The following ANXA8L1 variants were observed in gnomAD, a reference collection of about 807,000 sequenced individuals.
ANXA8L1 encodes annexin A8-like protein 1.
ANXA8L1 carries 10 observed loss-of-function variants against 22.5 expected under a neutral mutation model. The observed-to-expected ratio is 0.44, with a 90% CI of 0.27 to 0.75. The LOEUF (loss-of-function observed/expected upper bound fraction) is 0.75, where lower values mean the gene tolerates loss of function less well. Among genes scored for constraint, ANXA8L1 ranks in the 30% least tolerant of loss-of-function variants. The probability of loss-of-function intolerance (pLI) is 0.15; values close to 1 mark genes in which losing one functional copy is unlikely to be tolerated. For synonymous variants in ANXA8L1, 36 were observed against 86.0 expected (o/e 0.42, Z 3.22); for missense variants, 88 against 219.6 (o/e 0.40, Z 3.79).
At chr10:46,383,232 C>A (rs1839997710) in intron 4 of ANXA8L1, among the ~76,000 whole-genome samples, 1 of 148,318 alleles carries the variant, frequency 6.7e-6, no homozygotes, top group Non-Finnish European at 1.5e-5. Context: ...TGAGACCACC[C>A]AGCTAAGGAG....
intron 6 of ANXA8L1, among the ~76,000 whole-genome samples, 170 bp from the exon 7 acceptor site, chr10:46,384,604 C>T (rs1411427474): frequency 8.2e-6 from 1 of 121,598 alleles, no homozygotes. Context: ...TTACCACCCC[C>T]GTTGTACAAA....
At chr10:46,385,081 C>T (rs1455961464) in intron 7 of ANXA8L1, among the ~76,000 whole-genome samples, 6 of 102,730 alleles carry the variant, frequency 5.8e-5, no homozygotes, top group Admixed American at 3.0e-4. Flanking sequence ...AACCCGGGGG[C>T]GCTAGGCCCC....
chr10:46,384,713 C>T, intron 6 of ANXA8L1, 61 bp from the exon 7 acceptor site: 4 of 1,612,228 alleles, frequency 2.5e-6, no homozygotes, highest in Non-Finnish European at 3.4e-6. Flanking sequence ...AGGATCCCCC[C>T]TGTGCCCTTA....
At position 46,389,759 on chromosome 10, in the gene ANXA8L1, G is replaced by A. The variant is rs1185442605; in HGVS notation, c.925-1112G>A. 2.6e-5 allele frequency among the ~76,000 whole-genome samples: 4 copies of A among 151,618 alleles called. No individual in the cohort carries two copies. In the South Asian group the frequency reaches 8.3e-4, roughly 32 times the overall value. ...TCACCAGGCGTAGTGGCCCACACCTGTAATCCCAGTGCTTTGGGAGGCCAA... is the reference window on the plus strand; with the variant it reads ...TCACCAGGCGTAGTGGCCCACACCTATAATCCCAGTGCTTTGGGAGGCCAA... On this transcript the variant is annotated intron_variant, in intron 11 of 11. Coordinates refer to ENST00000619162, the MANE Select transcript of ANXA8L1 (RefSeq NM_001098845.3).
chr10:46,390,721 G>C, intron 11 of ANXA8L1, 150 bp from the exon 12 acceptor site: 2 of 890,690 alleles, frequency 2.2e-6, no homozygotes, highest in East Asian at 2.6e-5. Context: ...GGAAAGAGGG[G>C]TGATGGCACA....
At chr10:46,377,885 T>A (rs1839948536) in intron 1 of ANXA8L1, among the ~76,000 whole-genome samples, 1 of 118,270 alleles carries the variant, frequency 8.5e-6, no homozygotes, top group African/African-American at 3.6e-5. Context: ...CAGGCTGGTC[T>A]GAGTCACCTT....
intron 11 of ANXA8L1, among the ~76,000 whole-genome samples, chr10:46,390,056 G>A (rs1172514107): frequency 5.3e-5 from 8 of 150,098 alleles, no homozygotes; most frequent in Non-Finnish European, 5.9e-5. Context: ...TCACCATGCC[G>A]TTGTGAATGA....
At chr10:46,377,664 T>G in intron 1 of ANXA8L1, among the ~76,000 whole-genome samples, 2 of 92,326 alleles carry the variant, frequency 2.2e-5, no homozygotes, top group African/African-American at 5.1e-5. Flanking sequence ...AGGAACGGGA[T>G]GGGAGGAGAT....
chr10:46,390,460 G>GGT (rs1485743782), intron 11 of ANXA8L1, among the ~76,000 whole-genome samples: 1 of 123,316 alleles, frequency 8.1e-6, no homozygotes, highest in African/African-American at 3.3e-5. Context: ...CCTGCTCCCA[G>GGT]GTGTGTGCTG....
intron 1 of ANXA8L1, 170 bp downstream of exon 1, chr10:46,376,042 C>A: frequency 8.6e-7 from 1 of 1,167,790 alleles, no homozygotes. Flanking sequence ...GAAACAGTCC[C>A]AGGCCTAGAG....
At chr10:46,389,781 C>T (rs1232900450) in intron 11 of ANXA8L1, among the ~76,000 whole-genome samples, 1 of 151,476 alleles carries the variant, frequency 6.6e-6, no homozygotes, top group African/African-American at 2.4e-5. Context: ...CTTTGGGAGG[C>T]CAACGCAGGA....
rs1389520028 is a variant in ANXA8L1 at position 46,384,851 on chromosome 10, C to T, written c.552+18C>T. 4.2e-5 allele frequency: 68 copies of T among 1,612,486 alleles called. 1 individual carries two copies. Among genetic ancestry groups the T allele is most frequent in the African/African-American group, 1.2e-4 (9 of 73,984 alleles). ...ACGCACAGGTGAGGCTGCGCCCAGC[C>T]GGCCATGTGGCCCCACCCCCTGCCA... On this transcript the variant is annotated intron_variant, in intron 7 of 11. Transcript: ENST00000619162.
At chr10:46,377,762 T>C (rs1366113498) in intron 1 of ANXA8L1, among the ~76,000 whole-genome samples, 1 of 116,830 alleles carries the variant, frequency 8.6e-6, no homozygotes, top group East Asian at 2.0e-4. Flanking sequence ...GTGTCTCTCA[T>C]AGAGACAAAC....
chr10:46,390,447 G>T (rs1464992205), intron 11 of ANXA8L1, among the ~76,000 whole-genome samples: 2 of 111,308 alleles, frequency 1.8e-5, no homozygotes, highest in African/African-American at 8.1e-5. Context: ...CTCCACCCCC[G>T]GCCCTGCTCC....
chr10:46,389,824 G>A (rs761508484), intron 11 of ANXA8L1, among the ~76,000 whole-genome samples: 2 of 151,520 alleles, frequency 1.3e-5, no homozygotes, highest in Non-Finnish European at 2.9e-5. Flanking sequence ...CAAGGCTGCC[G>A]TGAGCTAGGA....
At chr10:46,378,915 C>T (rs1215843963) in intron 1 of ANXA8L1, among the ~76,000 whole-genome samples, 3 of 140,944 alleles carry the variant, frequency 2.1e-5, no homozygotes, top group East Asian at 2.0e-4. Flanking sequence ...GATGGATGGG[C>T]GGGTGCATAG....
chr10:46,382,384 C>T (rs1196496080), intron 3 of ANXA8L1, among the ~76,000 whole-genome samples, 195 bp from the exon 4 acceptor site: 1 of 72,744 alleles, frequency 1.4e-5, no homozygotes, highest in Non-Finnish European at 2.6e-5. Flanking sequence ...AGCAGGAGCA[C>T]GTTTCTCTCC....
At chr10:46,390,396 T>A (rs1840066996) in intron 11 of ANXA8L1, among the ~76,000 whole-genome samples, 1 of 121,636 alleles carries the variant, frequency 8.2e-6, no homozygotes, top group Non-Finnish European at 1.7e-5. Context: ...GTGAAGGGGC[T>A]TGCCTCGGCC....
At chr10:46,390,166 A>T (rs563439206) in intron 11 of ANXA8L1, among the ~76,000 whole-genome samples, 8 of 150,758 alleles carry the variant, frequency 5.3e-5, no homozygotes, top group African/African-American at 2.0e-4. Context: ...CAGACCCCGG[A>T]CTAGCCAGTC....
Sources: gnomAD v4.1 joint callset for allele counts (sites outside exome capture counted in the v4.1 genomes callset) on GRCh38, gnomAD v4.1.1 for gene constraint, MANE v1.5 for transcripts, NCBI Gene and HGNC (gene_info 2026-07-23, HGNC 2026-07-21) for gene names.